FBXW4: variants seen among roughly 807,000 people sequenced by gnomAD.
The protein encoded by FBXW4 is F-box and WD repeat domain containing 4, also known as F-box/WD repeat-containing protein 4.
A neutral mutation model predicts 61.8 loss-of-function variants in FBXW4; 40 were observed. That is an observed-to-expected ratio of 0.65 (90% CI 0.50 to 0.84). FBXW4 has a LOEUF of 0.84. Among genes scored for constraint, FBXW4 ranks in the 40% least tolerant of loss-of-function variants. The pLI is 0.00. For missense variants in FBXW4, 672 were observed against 753.8 expected (o/e 0.89, Z 1.27); for synonymous variants, 311 against 313.8 (o/e 0.99, Z 0.10).
chr10:101,618,001 C>T (rs376335461), intron 6 of FBXW4, among the ~76,000 whole-genome samples: 45 of 152,358 alleles, frequency 3.0e-4, no homozygotes, highest in African/African-American at 1.1e-3. Flanking sequence ...GGCCCCTGCA[C>T]AAGGTGGGGG....
At chr10:101,663,754 T>C (rs1464708517) in intron 5 of FBXW4, among the ~76,000 whole-genome samples, 2 of 152,160 alleles carry the variant, frequency 1.3e-5, no homozygotes, top group African/African-American at 2.4e-5. Flanking sequence ...TCCTGCCCCA[T>C]AATTATACTC....
intron 4 of FBXW4, among the ~76,000 whole-genome samples, chr10:101,669,007 A>T (rs924930994): frequency 6.6e-6 from 1 of 152,192 alleles, no homozygotes; most frequent in African/African-American, 2.4e-5. Context: ...TAAAGGAAAC[A>T]TTCCTTGAGT....
intron 5 of FBXW4, among the ~76,000 whole-genome samples, chr10:101,664,112 G>A (rs533016720): frequency 1.2e-4 from 18 of 152,194 alleles, no homozygotes; most frequent in African/African-American, 4.3e-4. Context: ...TCAAAGTAAA[G>A]TAAGAAAGGA....
At chr10:101,685,697 A>T (rs189590318) in intron 1 of FBXW4, among the ~76,000 whole-genome samples, 37 of 152,090 alleles carry the variant, frequency 2.4e-4, no homozygotes, top group Non-Finnish European at 4.4e-4. Context: ...TTGCTTTTTT[A>T]AAAAAAAATG....
chr10:101,691,602 T>C (rs2064604308), intron 1 of FBXW4, among the ~76,000 whole-genome samples: 1 of 152,204 alleles, frequency 6.6e-6, no homozygotes, highest in South Asian at 2.1e-4. Context: ...AGAATGTAGA[T>C]TCATTCCCAA....
chr10:101,649,286 G>A (rs750843834), intron 5 of FBXW4, among the ~76,000 whole-genome samples: 1 of 151,706 alleles, frequency 6.6e-6, no homozygotes, highest in East Asian at 1.9e-4. Flanking sequence ...CTCCCAGCCA[G>A]GCCTTGGCAG....
At chr10:101,688,991 T>TCA (rs1213213988) in intron 1 of FBXW4, among the ~76,000 whole-genome samples, 2 of 152,198 alleles carry the variant, frequency 1.3e-5, no homozygotes, top group Non-Finnish European at 1.5e-5. Context: ...GGTTAAGTTG[T>TCA]CACACACACG....
At chr10:101,639,290 G>A (rs961772465) in intron 5 of FBXW4, among the ~76,000 whole-genome samples, 5 of 152,142 alleles carry the variant, frequency 3.3e-5, no homozygotes, top group Non-Finnish European at 5.9e-5. Flanking sequence ...AGAATATGGC[G>A]GGTTTTGCTA....
At chr10:101,632,746 T>C (rs3127230) in intron 5 of FBXW4, among the ~76,000 whole-genome samples, 48,540 of 152,070 alleles carry the variant, frequency 0.32, 7,964 homozygotes, top group African/African-American at 0.36. Context: ...TAAACAACTG[T>C]TCCATGTGCT....
chr10:101,669,932 T>A (rs2064343480), intron 4 of FBXW4, among the ~76,000 whole-genome samples: 1 of 152,084 alleles, frequency 6.6e-6, no homozygotes, highest in Admixed American at 6.5e-5. Flanking sequence ...TTTTTTTGTA[T>A]TTTTAGTAGA....
intron 1 of FBXW4, among the ~76,000 whole-genome samples, chr10:101,678,202 G>C (rs2064436343): frequency 6.6e-6 from 1 of 152,210 alleles, no homozygotes; most frequent in African/African-American, 2.4e-5. Flanking sequence ...GGGTTAATAG[G>C]CAATAGGGAG....
intron 5 of FBXW4, among the ~76,000 whole-genome samples, chr10:101,663,953 T>C (rs928656049): frequency 1.3e-5 from 2 of 152,190 alleles, no homozygotes; most frequent in Non-Finnish European, 2.9e-5. Context: ...TAGAAGGGTA[T>C]GCGAGAGGCA....
In FBXW4 at chr10:101,611,847, G is replaced by A. The variant is rs2063789272; in HGVS notation, c.1443-78C>T. The A allele has an allele frequency of 6.7e-7, 1 of 1,503,700 alleles. No individual in the cohort carries two copies. The highest frequency in any genetic ancestry group is 1.4e-5 in the African/African-American group (1 of 72,570). The allele number at this position is 1,503,700 out of a possible 1,614,324, so 93.1% of individuals were successfully genotyped here. On this transcript the variant is annotated intron_variant, in intron 7 of 8. Transcript: ENST00000331272. The surrounding 1 kb of genome is among the most constrained non-coding windows in gnomAD (Gnocchi z 4.9). ...CCCCAGCTTTCTTGGGCCTAGAGTGGCTGAGGGGAGCGTTAAGGAGCCATT... is the reference window on the plus strand; with the variant it reads ...CCCCAGCTTTCTTGGGCCTAGAGTGACTGAGGGGAGCGTTAAGGAGCCATT...
At chr10:101,632,773 G>A (rs2063969399) in intron 5 of FBXW4, among the ~76,000 whole-genome samples, 1 of 152,100 alleles carries the variant, frequency 6.6e-6, no homozygotes, top group Admixed American at 6.6e-5. Context: ...ATAAAGAAAT[G>A]GCAAGGTGTC....
intron 5 of FBXW4, among the ~76,000 whole-genome samples, chr10:101,633,959 A>G: frequency 6.6e-6 from 1 of 152,126 alleles, no homozygotes; most frequent in African/African-American, 2.4e-5. Flanking sequence ...ATATATATAT[A>G]TAAATTAGCC....
chr10:101,674,195 G>A lies in FBXW4; in HGVS notation c.822-522C>T, dbSNP rs11815874. Among the ~76,000 whole-genome samples the A allele has an allele frequency of 3.0e-3, 462 of 152,170 alleles. 5 individuals carry two copies. Among genetic ancestry groups the A allele is most frequent in the African/African-American group, 0.011 (449 of 41,516 alleles). On this transcript the variant is annotated intron_variant, in intron 2 of 8. Transcript: ENST00000331272. ...AAATACAAAATTAGACAGGCATAGT[G>A]GTACACGCCGGTAATCCCAGCTACT...
At position 101,611,936 on chromosome 10, in the gene FBXW4, A is replaced by G. The variant is rs1276466966; in HGVS notation, c.1443-167T>C. 6.6e-6 allele frequency among the ~76,000 whole-genome samples: 1 copy of G among 152,236 alleles called. No individual in the cohort carries two copies. The highest frequency in any genetic ancestry group is 1.5e-5 in the Non-Finnish European group (1 of 68,044). On this transcript the variant is annotated intron_variant, in intron 7 of 8. Transcript: ENST00000331272. The surrounding 1 kb of genome is among the most constrained non-coding windows in gnomAD (Gnocchi z 4.9). ...ATCAAAAACCGAACTTCATGGGAGA[A>G]AGCATCTTCTGTAGAGGGCTCTCGC...
chr10:101,634,256 T>C (rs1372528112), intron 5 of FBXW4, among the ~76,000 whole-genome samples: 2 of 149,674 alleles, frequency 1.3e-5, no homozygotes, highest in African/African-American at 5.0e-5. Context: ...AAAAGATCCA[T>C]ATAAAAATAT....
chr10:101,644,181 T>C (rs1023179820), intron 5 of FBXW4, among the ~76,000 whole-genome samples: 1 of 152,080 alleles, frequency 6.6e-6, no homozygotes, highest in East Asian at 1.9e-4. Context: ...GCCTTTCCAG[T>C]GAATGGTGGG....
Sources: gnomAD v4.1 joint callset for allele counts (sites outside exome capture counted in the v4.1 genomes callset) on GRCh38, gnomAD v4.1.1 for gene constraint, Gnocchi (gnomAD v3.1) non-coding constraint, MANE v1.5 for transcripts, NCBI Gene and HGNC (gene_info 2026-07-23, HGNC 2026-07-21) for gene names.